Variants in LRRC4C observed in about 807,000 individuals in gnomAD.
LRRC4C encodes the protein leucine-rich repeat-containing protein 4C.
Under a neutral mutation model 33.6 loss-of-function variants are expected in LRRC4C, and 5 were observed. That is an observed-to-expected ratio of 0.15 (90% CI 0.08 to 0.31). LRRC4C has a LOEUF of 0.31. Among genes scored for constraint, LRRC4C ranks in the 10% least tolerant of loss-of-function variants. LRRC4C has a pLI of 1.00. For synonymous variants in LRRC4C, 329 were observed against 302.0 expected (o/e 1.09, Z -0.93); for missense variants, 560 against 796.7 (o/e 0.70, Z 3.58).
intron 5 of LRRC4C, among the ~76,000 whole-genome samples, chr11:40,204,905 T>C (rs1226467541): frequency 6.6e-6 from 1 of 152,246 alleles, no homozygotes; most frequent in Non-Finnish European, 1.5e-5. Context: ...TCCCAGCACC[T>C]ATCTTCTTGG....
At chr11:41,219,605 T>G (rs1223191966) in intron 1 of LRRC4C, among the ~76,000 whole-genome samples, 5 of 152,196 alleles carry the variant, frequency 3.3e-5, no homozygotes, top group African/African-American at 4.8e-5. Context: ...TATGGCACTT[T>G]TTCTTTTTTC....
rs570056837 is a variant in LRRC4C, at chr11:41,454,905, C to G, written c.-496+4526G>C. Among the ~76,000 whole-genome samples the G allele has an allele frequency of 5.9e-5, 9 of 152,152 alleles. No individual in the cohort carries two copies. In the East Asian group the frequency reaches 1.7e-3, roughly 29 times the overall value. ...GAATGAGAGAATATATGTGAGCTAC[C>G]TAGAGAAGTCCAATTTTGTGTCAAG... is the stretch of plus-strand genomic sequence containing the variant. On this transcript the variant is annotated intron_variant, in intron 1 of 6. Coordinates refer to ENST00000528697, the MANE Select transcript of LRRC4C (RefSeq NM_001258419.2).
At chr11:41,143,857 C>T (rs935813342) in intron 1 of LRRC4C, among the ~76,000 whole-genome samples, 3 of 152,164 alleles carry the variant, frequency 2.0e-5, no homozygotes, top group African/African-American at 4.8e-5. Flanking sequence ...GACTTGCAAG[C>T]GTATCCTCTG....
intron 1 of LRRC4C, chr11:41,123,039 T>C (rs552846899): frequency 2.0e-5 from 3 of 152,242 alleles, no homozygotes; most frequent in African/African-American, 7.2e-5. Context: ...CCTAGCAGTC[T>C]TGAGTATGTA....
chr11:40,785,321 T>C (rs1950369820), intron 2 of LRRC4C, among the ~76,000 whole-genome samples: 1 of 152,160 alleles, frequency 6.6e-6, no homozygotes, highest in East Asian at 1.9e-4. Context: ...ACTTTTAAAC[T>C]TCCAAACTCA....
intron 2 of LRRC4C, among the ~76,000 whole-genome samples, chr11:40,844,095 C>A (rs949771941): frequency 6.6e-6 from 1 of 151,956 alleles, no homozygotes; most frequent in Non-Finnish European, 1.5e-5. Flanking sequence ...TAAAATGGCC[C>A]TTGGAAAATA....
chr11:41,148,010 C>A (rs1259129070), intron 1 of LRRC4C, among the ~76,000 whole-genome samples: 1 of 152,004 alleles, frequency 6.6e-6, no homozygotes. Flanking sequence ...GAGGCTAAAG[C>A]ATGAGAATAT....
chr11:41,331,870 A>AG (rs1951306445), intron 1 of LRRC4C, among the ~76,000 whole-genome samples: 1 of 152,184 alleles, frequency 6.6e-6, no homozygotes, highest in Non-Finnish European at 1.5e-5. Flanking sequence ...TGATGGAACT[A>AG]TTAACTTTTG....
At chr11:40,819,628 C>A (rs529871555) in intron 2 of LRRC4C, among the ~76,000 whole-genome samples, 3 of 152,198 alleles carry the variant, frequency 2.0e-5, no homozygotes, top group African/African-American at 7.2e-5. Flanking sequence ...AGCTTCTAAG[C>A]TAGCCGCATA....
At chr11:41,346,571 T>C (rs946271307) in intron 1 of LRRC4C, among the ~76,000 whole-genome samples, 2 of 152,168 alleles carry the variant, frequency 1.3e-5, no homozygotes, top group African/African-American at 4.8e-5. Flanking sequence ...ACCAATACTA[T>C]TGTAAACATG....
chr11:41,264,312 G>C (rs1355463373), intron 1 of LRRC4C, among the ~76,000 whole-genome samples: 1 of 151,920 alleles, frequency 6.6e-6, no homozygotes, highest in Non-Finnish European at 1.5e-5. Context: ...GGATGGTCTT[G>C]ATCTCTTGAT....
intron 3 of LRRC4C, among the ~76,000 whole-genome samples, chr11:40,628,357 A>G (rs1033528562): frequency 3.3e-5 from 5 of 152,170 alleles, no homozygotes; most frequent in African/African-American, 1.2e-4. Flanking sequence ...GGGTGCCTGT[A>G]GTCCCAGCTA....
intron 3 of LRRC4C, among the ~76,000 whole-genome samples, chr11:40,468,938 C>T (rs1409966630): frequency 6.6e-6 from 1 of 152,166 alleles, no homozygotes; most frequent in Non-Finnish European, 1.5e-5. Context: ...TGTTCTGTCA[C>T]ACATTATTCT....
chr11:41,042,218 T>C (rs1857484490), intron 1 of LRRC4C, among the ~76,000 whole-genome samples: 1 of 152,176 alleles, frequency 6.6e-6, no homozygotes, highest in South Asian at 2.1e-4. Context: ...AAATACTTAG[T>C]TGTGAATTGC....
chr11:41,392,799 TGG>T (rs1236995218), intron 1 of LRRC4C, among the ~76,000 whole-genome samples: 2 of 151,840 alleles, frequency 1.3e-5, no homozygotes, highest in Non-Finnish European at 2.9e-5. Context: ...CAAGAATTTC[TGG>T]GAACTGCTAG....
intron 3 of LRRC4C, among the ~76,000 whole-genome samples, chr11:40,455,172 C>T (rs557825180): frequency 5.3e-5 from 8 of 152,214 alleles, no homozygotes; most frequent in African/African-American, 1.9e-4. Context: ...CTTGCCTGGG[C>T]CATAAGGGAA....
chr11:40,175,374 A>C (rs1860389594), intron 5 of LRRC4C, among the ~76,000 whole-genome samples: 1 of 152,250 alleles, frequency 6.6e-6, no homozygotes, highest in Non-Finnish European at 1.5e-5. Flanking sequence ...GAACAAGGAA[A>C]ACCAGACCGG....
At chr11:40,816,930 T>C (rs1472923954) in intron 2 of LRRC4C, among the ~76,000 whole-genome samples, 1 of 152,150 alleles carries the variant, frequency 6.6e-6, no homozygotes, top group East Asian at 1.9e-4. Flanking sequence ...CCTATCACAA[T>C]AGATATCTAT....
chr11:41,362,354 G>A (rs1952384880), intron 1 of LRRC4C, among the ~76,000 whole-genome samples: 1 of 152,022 alleles, frequency 6.6e-6, no homozygotes, highest in South Asian at 2.1e-4. Context: ...AAAAGGAAAA[G>A]GAAATAAGGA....
Sources: allele counts gnomAD v4.1 joint callset (sites outside exome capture counted in the v4.1 genomes callset), GRCh38; gene constraint gnomAD v4.1.1; transcripts MANE v1.5; gene names NCBI Gene and HGNC (gene_info 2026-07-23, HGNC 2026-07-21).